PCDHGB2: variants seen among roughly 807,000 people sequenced by gnomAD.
The protein encoded by PCDHGB2 is protocadherin gamma-B2.
PCDHGB2 carries 55 observed loss-of-function variants against 59.3 expected under a neutral mutation model. The observed-to-expected ratio is 0.93, with a 90% CI of 0.75 to 1.16. The LOEUF (loss-of-function observed/expected upper bound fraction) is 1.16. Ranked by LOEUF, PCDHGB2 falls within the 50% of genes most tolerant of loss-of-function variation. PCDHGB2 has a pLI of 0.00. For synonymous variants in PCDHGB2, 516 were observed against 512.0 expected, an observed-to-expected ratio of 1.01 and a Z score of -0.11; for missense variants, 1,228 against 1,198.5, an observed-to-expected ratio of 1.02 and a Z score of -0.36.
In PCDHGB2 at chr5:141,366,223, C is replaced by T. The variant is rs141416995; in HGVS notation, c.2421+3667C>T. 8,329 of 1,613,836 alleles carry T rather than the reference C, an allele frequency of 5.2e-3. 46 individuals are homozygous for T. The highest frequency in any genetic ancestry group is 9.4e-3 in the Admixed American group (566 of 60,034). The stretch of plus-strand genomic sequence containing the variant: ...CGGGCGAGGTGCGCACAGCGCGAGC[C>T]CTGCTGGACAGAGACGCGCTCAAGC... On this transcript the variant is annotated intron_variant, in intron 1 of 3. Coordinates refer to ENST00000522605, the MANE Select transcript of PCDHGB2 (RefSeq NM_018923.3).
chr5:141,393,486 A>G, intron 1 of PCDHGB2: 1 of 1,614,082 alleles, frequency 6.2e-7, no homozygotes. Flanking sequence ...TCGCTCTAGC[A>G]CAGTGCGCAT....
intron 1 of PCDHGB2, chr5:141,405,039 C>T (rs1227328278): frequency 1.2e-6 from 2 of 1,613,880 alleles, no homozygotes; most frequent in Non-Finnish European, 1.7e-6. Flanking sequence ...CTCGTTGTGG[C>T]TGTGGCAGTC....
At chr5:141,366,612 C>A (rs780105196) in intron 1 of PCDHGB2, 3 of 1,614,118 alleles carry the variant, frequency 1.9e-6, no homozygotes, top group African/African-American at 1.3e-5. Flanking sequence ...TCCCTCACCG[C>A]GGACTCGAGG....
Position 141,491,547 on chromosome 5 carries a change from G to C in PCDHGB2, c.2422-3260G>C. On this transcript the variant is annotated intron_variant, in intron 1 of 3. Coordinates refer to ENST00000522605, the MANE Select transcript of PCDHGB2 (RefSeq NM_018923.3). This position sits in a 1 kb window ranked among gnomAD's most constrained non-coding sequence, Gnocchi z 6.9. Reference sequence around the variant, plus strand: ...AGGTGACGCTGCGGCCCACAGACTCGCAGAGCCACTGCTACAGGACGTGCT... The same window carrying C: ...AGGTGACGCTGCGGCCCACAGACTCCCAGAGCCACTGCTACAGGACGTGCT... 6.2e-7 allele frequency: 1 copy of C among 1,613,974 alleles called. No individual in the cohort carries two copies. The highest frequency in any genetic ancestry group is 8.5e-7 in the Non-Finnish European group (1 of 1,180,022).
chr5:141,415,315 G>T (rs201784236), intron 1 of PCDHGB2: 14 of 1,614,208 alleles, frequency 8.7e-6, no homozygotes, highest in African/African-American at 4.0e-5. Context: ...CTTCGTCATC[G>T]TGCTGCTGGC....
chr5:141,369,045 A>G (rs1239688019), intron 1 of PCDHGB2, among the ~76,000 whole-genome samples: 2 of 152,192 alleles, frequency 1.3e-5, no homozygotes, highest in East Asian at 1.9e-4. Flanking sequence ...TAGAGTAACA[A>G]TACATTATGT....
At chr5:141,417,538 A>G (rs2154547037) in intron 1 of PCDHGB2, 2 of 297,748 alleles carry the variant, frequency 6.7e-6, no homozygotes, top group East Asian at 6.0e-5. Flanking sequence ...AGTTTAAAAA[A>G]AATTCCTTGA....
intron 1 of PCDHGB2, among the ~76,000 whole-genome samples, chr5:141,437,250 G>T (rs1191184272): frequency 6.6e-6 from 1 of 152,102 alleles, no homozygotes; most frequent in African/African-American, 2.4e-5. Flanking sequence ...GACTTTCCTT[G>T]TCTTTTTATG....
intron 1 of PCDHGB2, among the ~76,000 whole-genome samples, chr5:141,460,724 A>G (rs1294708205): frequency 6.6e-6 from 1 of 152,114 alleles, no homozygotes; most frequent in Non-Finnish European, 1.5e-5. Flanking sequence ...TGTTATAAGC[A>G]TATATACACA....
chr5:141,425,248 G>T (rs954872490), intron 1 of PCDHGB2, among the ~76,000 whole-genome samples: 2 of 152,178 alleles, frequency 1.3e-5, no homozygotes, highest in Admixed American at 1.3e-4. Context: ...AAAAGGATAT[G>T]AGGTATTTGG....
chr5:141,461,228 A>C (rs1472527415), intron 1 of PCDHGB2, among the ~76,000 whole-genome samples: 1 of 151,976 alleles, frequency 6.6e-6, no homozygotes, highest in Non-Finnish European at 1.5e-5. Flanking sequence ...TTTTCCATAG[A>C]GGTTGTACTA....
chr5:141,362,293 A>G lies in PCDHGB2; in HGVS notation c.2158A>G (p.Arg720Gly), dbSNP rs1303338188. The change falls in exon 1 of 4, where the codon AGG becomes GGG. Residue 720 changes from arginine (R) to glycine (G), a missense_variant. Arg to Gly is a moderately radical substitution (Grantham distance 125, BLOSUM62 -2). Coordinates refer to ENST00000522605, the MANE Select transcript of PCDHGB2 (RefSeq NM_018923.3). The part of the protein sequence containing the change: ...AISLRLRLSS[R>G]SDAWDCFQPG... ...CTCCCTGCGCCTGCGACTCTCTTCC[A>G]GGTCAGATGCTTGGGACTGTTTTCA... The G allele has an allele frequency of 2.5e-6, 4 of 1,614,028 alleles. No individual in the cohort carries two copies. The South Asian group carries it at 3.3e-5, about 13-fold the overall frequency.
At chr5:141,366,747 T>G in intron 1 of PCDHGB2, 1 of 1,609,550 alleles carries the variant, frequency 6.2e-7, no homozygotes, top group Non-Finnish European at 8.5e-7. Context: ...GAACGGCGAG[T>G]TCAGGTTAGT....
At chr5:141,371,332 A>T (rs1481476869) in intron 1 of PCDHGB2, 1 of 1,613,988 alleles carries the variant, frequency 6.2e-7, no homozygotes, top group South Asian at 1.1e-5. Flanking sequence ...GAAGAGAGAG[A>T]TAGCTACACA....
In PCDHGB2 at chr5:141,491,801, G is replaced by C; in HGVS notation, c.2422-3006G>C. 1 of 1,500,844 alleles carries C rather than the reference G, an allele frequency of 6.7e-7. No individual in the cohort carries two copies. Among genetic ancestry groups the C allele is most frequent in the Non-Finnish European group, 8.9e-7 (1 of 1,125,292 alleles). The allele number at this position is 1,500,844 out of a possible 1,614,324, so 93.0% of individuals were successfully genotyped here. The stretch of plus-strand genomic sequence containing the variant: ...AACTTGCATCCACTCCTCTCCGGCC[G>C]GCTTGGTCGCTGGCTGCGCTCCACC... On this transcript the variant is annotated intron_variant, in intron 1 of 3. Coordinates refer to ENST00000522605, the MANE Select transcript of PCDHGB2 (RefSeq NM_018923.3). The surrounding 1 kb of genome is among the most constrained non-coding windows in gnomAD (Gnocchi z 6.9).
At chr5:141,500,326 A>T (rs1041431019) in intron 2 of PCDHGB2, among the ~76,000 whole-genome samples, 7 of 152,022 alleles carry the variant, frequency 4.6e-5, no homozygotes, top group Non-Finnish European at 1.0e-4. Context: ...CTCCTGCCTC[A>T]GCCTCCAGAA....
Position 141,432,465 on chromosome 5 carries a change from C to T in PCDHGB2, c.2422-62342C>T. 3 of 1,614,222 alleles carry T rather than the reference C, an allele frequency of 1.9e-6. No individual in the cohort carries two copies. The highest frequency in any genetic ancestry group is 2.5e-6 in the Non-Finnish European group (3 of 1,180,050). On this transcript the variant is annotated intron_variant, in intron 1 of 3. Transcript: ENST00000522605. This position sits in a 1 kb window ranked among gnomAD's most constrained non-coding sequence, Gnocchi z 6.0. The stretch of plus-strand genomic sequence containing the variant: ...GAGATCCTGTACCCCGCCCTCCCCA[C>T]GGACGGTTCCACTGGCGTGGAGCTG...
chr5:141,408,556 T>C (rs1215804867), intron 1 of PCDHGB2: 3 of 1,613,940 alleles, frequency 1.9e-6, no homozygotes, highest in Non-Finnish European at 2.5e-6. Context: ...ATATTTTTCA[T>C]GTCATTGTGG....
chr5:141,413,895 T>A (rs749075692), intron 1 of PCDHGB2: 2 of 1,613,308 alleles, frequency 1.2e-6, no homozygotes, highest in South Asian at 2.2e-5. Flanking sequence ...TCGATGCAAA[T>A]GACAACGCGC....
Sources: allele counts gnomAD v4.1 joint callset (sites outside exome capture counted in the v4.1 genomes callset), GRCh38; gene constraint gnomAD v4.1.1; non-coding constraint Gnocchi (gnomAD v3.1); transcripts MANE v1.5; gene names NCBI Gene and HGNC (gene_info 2026-07-23, HGNC 2026-07-21).